Variants in TTC23 observed in about 807,000 individuals in gnomAD.
TTC23 encodes the protein tetratricopeptide repeat protein 23.
TTC23 carries 58 observed loss-of-function variants against 55.1 expected under a neutral mutation model. The observed-to-expected ratio is 1.05, with a 90% CI of 0.85 to 1.31. TTC23 has a LOEUF of 1.31. Ranked by LOEUF, TTC23 falls within the 50% of genes most tolerant of loss-of-function variation. The pLI, the probability that TTC23 is intolerant of heterozygous loss-of-function variation, is 0.00. For missense variants in TTC23, 516 were observed against 534.4 expected (o/e 0.97, Z 0.34); for synonymous variants, 203 against 199.9 (o/e 1.02, Z -0.13).
chr15:99,181,181 T>C (rs2074079177), intron 9 of TTC23, among the ~76,000 whole-genome samples: 1 of 152,234 alleles, frequency 6.6e-6, no homozygotes, highest in Non-Finnish European at 1.5e-5. Context: ...ACTGCATACT[T>C]TTCCAGTCTA....
chr15:99,156,973 G>A (rs2070678188), intron 11 of TTC23, among the ~76,000 whole-genome samples: 1 of 151,994 alleles, frequency 6.6e-6, no homozygotes, highest in Admixed American at 6.6e-5. Context: ...CAATTGTGTG[G>A]GTCTCATTTA....
At chr15:99,153,085 C>T (rs1232848823) in intron 12 of TTC23, among the ~76,000 whole-genome samples, 1 of 152,244 alleles carries the variant, frequency 6.6e-6, no homozygotes, top group Non-Finnish European at 1.5e-5. Context: ...AGGCATGAGC[C>T]ACCGTGCCTG....
At chr15:99,184,629 A>G (rs2074490141) in intron 9 of TTC23, among the ~76,000 whole-genome samples, 1 of 152,198 alleles carries the variant, frequency 6.6e-6, no homozygotes, top group African/African-American at 2.4e-5. Context: ...CTAGGAAGTA[A>G]CTAACTTGCT....
At chr15:99,183,497 A>ATTTTTTT (rs56660145) in intron 9 of TTC23, among the ~76,000 whole-genome samples, 8 of 100,808 alleles carry the variant, frequency 7.9e-5, no homozygotes, top group South Asian at 3.5e-4. Context: ...GATTTTTTGT[A>ATTTTTTT]TTTTTTTTTT....
At chr15:99,214,362 G>A in intron 8 of TTC23, among the ~76,000 whole-genome samples, 1 of 152,012 alleles carries the variant, frequency 6.6e-6, no homozygotes, top group Non-Finnish European at 1.5e-5. Flanking sequence ...CAAAAAATTA[G>A]CCAGGCGTGG....
intron 12 of TTC23, chr15:99,139,741 T>G (rs1472932276): frequency 7.5e-7 from 1 of 1,332,704 alleles, no homozygotes; most frequent in African/African-American, 1.5e-5. Context: ...GCCCTTGTTA[T>G]AGCCTGGAAA....
rs2067706376 is a variant in TTC23, at chr15:99,137,748, T to TG, written c.*261dup. 4.2e-6 allele frequency: 2 copies of TG among 476,914 alleles called. No individual in the cohort carries two copies. Among genetic ancestry groups the TG allele is most frequent in the Admixed American group, 3.3e-5 (1 of 30,004 alleles). The allele number at this position is 476,914 out of a possible 1,614,324, so 29.5% of individuals were successfully genotyped here. On this transcript the variant is annotated 3_prime_UTR_variant, in exon 14 of 14. Coordinates refer to ENST00000394132, the MANE Select transcript of TTC23 (RefSeq NM_001288615.3). The stretch of plus-strand genomic sequence containing the variant: ...AGTTTTTCAGCCACAGTAGTGCTGA[T>TG]GGGTAAAAATTCTTGTTGGCAAGAA...
chr15:99,183,991 A>G (rs1486010380), intron 9 of TTC23, among the ~76,000 whole-genome samples: 3 of 152,180 alleles, frequency 2.0e-5, no homozygotes, highest in Non-Finnish European at 4.4e-5. Flanking sequence ...GGGCAAAGGT[A>G]CAGCTTGGGT....
chr15:99,156,033 T>G, intron 12 of TTC23, 115 bp downstream of exon 12: 1 of 1,443,450 alleles, frequency 6.9e-7, no homozygotes, highest in South Asian at 1.3e-5. Flanking sequence ...TGTCATCCTA[T>G]CTAAACAAGC....
chr15:99,185,266 A>G (rs2074554142), intron 9 of TTC23, among the ~76,000 whole-genome samples: 1 of 152,220 alleles, frequency 6.6e-6, no homozygotes, highest in Admixed American at 6.5e-5. Flanking sequence ...AATTGATTGC[A>G]TATGTATAGC....
chr15:99,171,215 G>A (rs1409695796), intron 10 of TTC23, among the ~76,000 whole-genome samples: 2 of 152,160 alleles, frequency 1.3e-5, no homozygotes, highest in African/African-American at 2.4e-5. Flanking sequence ...ATAGCATCAG[G>A]ATGATAAACA....
At chr15:99,167,450 G>A (rs1386344046) in intron 10 of TTC23, among the ~76,000 whole-genome samples, 6 of 152,182 alleles carry the variant, frequency 3.9e-5, no homozygotes, top group South Asian at 2.1e-4. Flanking sequence ...CCAAGGCCAC[G>A]AATCTTCTAT....
chr15:99,156,432 C>T (rs922973641), intron 11 of TTC23, 135 bp from the exon 12 acceptor site: 10 of 1,026,670 alleles, frequency 9.7e-6, no homozygotes, highest in Admixed American at 2.5e-5. Context: ...TTAGTCCATT[C>T]TCATGCTGCT....
intron 10 of TTC23, among the ~76,000 whole-genome samples, chr15:99,169,375 G>A (rs377288075): frequency 8.5e-5 from 13 of 152,156 alleles, no homozygotes; most frequent in African/African-American, 3.1e-4. Flanking sequence ...GGCCCCACTT[G>A]GAAGCTGAGG....
intron 8 of TTC23, among the ~76,000 whole-genome samples, chr15:99,214,547 T>C (rs1174753037): frequency 6.7e-6 from 1 of 148,252 alleles, no homozygotes; most frequent in Non-Finnish European, 1.5e-5. Context: ...CACCTCAGTC[T>C]CCTGAGTAGC....
At chr15:99,147,384 C>T (rs1241107964) in intron 12 of TTC23, among the ~76,000 whole-genome samples, 1 of 152,050 alleles carries the variant, frequency 6.6e-6, no homozygotes, top group Non-Finnish European at 1.5e-5. Flanking sequence ...CGCCACCACA[C>T]CCGGCTAATT....
At chr15:99,174,686 C>T (rs962976977) in intron 10 of TTC23, among the ~76,000 whole-genome samples, 5 of 152,136 alleles carry the variant, frequency 3.3e-5, no homozygotes, top group South Asian at 2.1e-4. Context: ...GCCTGGAGGC[C>T]GGCTGGCCCA....
intron 5 of TTC23, among the ~76,000 whole-genome samples, chr15:99,223,942 G>GACAGAGT (rs1468462578): frequency 5.3e-5 from 8 of 152,204 alleles, no homozygotes; most frequent in African/African-American, 1.9e-4. Context: ...AGGAAGAAAG[G>GACAGAGT]TAAGAACAAG....
At chr15:99,221,222 G>A (rs1008011887) in intron 6 of TTC23, among the ~76,000 whole-genome samples, 1 of 152,218 alleles carries the variant, frequency 6.6e-6, no homozygotes, top group African/African-American at 2.4e-5. Flanking sequence ...AGCAGTGGGA[G>A]AGAGAAAAAT....
Sources: allele counts gnomAD v4.1 joint callset (sites outside exome capture counted in the v4.1 genomes callset), GRCh38; gene constraint gnomAD v4.1.1; transcripts MANE v1.5; gene names NCBI Gene and HGNC (gene_info 2026-07-23, HGNC 2026-07-21).